RIMS2: variants seen among roughly 807,000 people sequenced by gnomAD.
RIMS2 encodes the protein regulating synaptic membrane exocytosis protein 2.
Under a neutral mutation model 174.4 loss-of-function variants are expected in RIMS2, and 59 were observed. The ratio of observed to expected loss-of-function variants is 0.34; its 90% CI spans 0.27 to 0.42. RIMS2 has a LOEUF of 0.42. Among genes scored for constraint, RIMS2 ranks in the 10% least tolerant of loss-of-function variants. RIMS2 has a pLI of 1.00. For missense variants in RIMS2, 1,620 were observed against 1,666.3 expected (o/e 0.97, Z 0.48); for synonymous variants, 606 against 572.5 (o/e 1.06, Z -0.84).
At chr8:104,147,775 G>A (rs563972068) in intron 19 of RIMS2, among the ~76,000 whole-genome samples, 7 of 152,174 alleles carry the variant, frequency 4.6e-5, no homozygotes, top group Admixed American at 1.3e-4. Flanking sequence ...CAGATTCTTC[G>A]CTTTCTAATC....
chr8:104,076,847 C>T (rs1219005435), intron 19 of RIMS2, among the ~76,000 whole-genome samples: 13 of 148,876 alleles, frequency 8.7e-5, no homozygotes, highest in South Asian at 2.1e-4. Context: ...TACATAGTCT[C>T]GCTCTGTTGC....
rs2077650249 is a variant in RIMS2, at chr8:103,921,490, G to A, written c.2084-182G>A. 2.0e-5 allele frequency among the ~76,000 whole-genome samples: 3 copies of A among 152,104 alleles called. No individual in the cohort carries two copies. The South Asian group carries it at 6.2e-4, about 31-fold the overall frequency. ...TTAGTCTTAAGAGAATCCCTATAGT[G>A]CCCTTTGGCTTCCAAAAAAACCCTT... On this transcript the variant is annotated intron_variant, in intron 9 of 23. Coordinates refer to ENST00000504942, the Ensembl canonical transcript of RIMS2.
At chr8:103,966,987 G>C (rs1054014645) in intron 15 of RIMS2, among the ~76,000 whole-genome samples, 2 of 151,712 alleles carry the variant, frequency 1.3e-5, no homozygotes, top group Non-Finnish European at 2.9e-5. Flanking sequence ...ATTTGCTAAG[G>C]TGTGTTTTAT....
At chr8:103,816,069 T>C (rs1289046648) in intron 3 of RIMS2, among the ~76,000 whole-genome samples, 1 of 152,196 alleles carries the variant, frequency 6.6e-6, no homozygotes, top group African/African-American at 2.4e-5. Context: ...CATGTGAACC[T>C]GCACTATATT....
chr8:103,615,803 C>G (rs1313918546), intron 1 of RIMS2, among the ~76,000 whole-genome samples: 1 of 152,094 alleles, frequency 6.6e-6, no homozygotes, highest in African/African-American at 2.4e-5. Context: ...ACACATACAC[C>G]CTCCGAAGAC....
chr8:103,960,987 T>C (rs2089847092), intron 14 of RIMS2, 78 bp from the exon 17 acceptor site: 1 of 794,986 alleles, frequency 1.3e-6, no homozygotes, highest in Non-Finnish European at 2.2e-6. Flanking sequence ...AATATTTTCG[T>C]TTGTTTTTCA....
At chr8:103,877,738 A>G (rs2099148128) in intron 3 of RIMS2, among the ~76,000 whole-genome samples, 1 of 150,850 alleles carries the variant, frequency 6.6e-6, no homozygotes, top group Admixed American at 6.6e-5. Flanking sequence ...TTCTATGTGA[A>G]CGTTAGGATT....
At chr8:103,542,419 A>T (rs76197077) in intron 1 of RIMS2, among the ~76,000 whole-genome samples, 28,814 of 152,196 alleles carry the variant, frequency 0.19, 2,947 homozygotes, top group Middle Eastern at 0.3. Flanking sequence ...GTAAAGAAGA[A>T]CTGATACCAA....
intron 3 of RIMS2, among the ~76,000 whole-genome samples, chr8:103,860,348 A>G (rs2099051755): frequency 6.6e-6 from 1 of 152,088 alleles, no homozygotes. Context: ...TCTTATTTGT[A>G]CAAATGATAT....
chr8:103,648,950 G>C (rs912902132), intron 1 of RIMS2, among the ~76,000 whole-genome samples: 1 of 152,106 alleles, frequency 6.6e-6, no homozygotes, highest in African/African-American at 2.4e-5. Flanking sequence ...TTTAAGGTTA[G>C]TATTGTTATT....
chr8:103,635,928 G>T (rs1170499023), intron 1 of RIMS2, among the ~76,000 whole-genome samples: 1 of 152,064 alleles, frequency 6.6e-6, no homozygotes, highest in Admixed American at 6.5e-5. Context: ...GGTAGTTGGA[G>T]GCCTTAGTTG....
chr8:103,652,456 G>A (rs2096468514), intron 1 of RIMS2, among the ~76,000 whole-genome samples, 168 bp from the exon 3 acceptor site: 1 of 152,146 alleles, frequency 6.6e-6, no homozygotes, highest in Non-Finnish European at 1.5e-5. Flanking sequence ...CTAGTTAAGT[G>A]TTCAAATTTA....
chr8:103,768,772 G>T (rs1318937649), intron 3 of RIMS2: 4 of 740,364 alleles, frequency 5.4e-6, no homozygotes, highest in African/African-American at 5.2e-5. Context: ...TTTAAACAAA[G>T]AAGGTAAGAA....
intron 19 of RIMS2, among the ~76,000 whole-genome samples, chr8:104,101,020 G>A (rs1304314002): frequency 2.9e-5 from 4 of 136,542 alleles, no homozygotes; most frequent in Non-Finnish European, 4.6e-5. Context: ...TATTACATAT[G>A]TAATATATGT....
intron 1 of RIMS2, among the ~76,000 whole-genome samples, chr8:103,621,290 T>C (rs13278213): frequency 0.18 from 27,719 of 152,194 alleles, 2,775 homozygotes; most frequent in African/African-American, 0.26. Flanking sequence ...TAACCTGACG[T>C]GCCCACCCTA....
At chr8:104,111,213 G>A (rs1390212128) in intron 19 of RIMS2, among the ~76,000 whole-genome samples, 1 of 152,074 alleles carries the variant, frequency 6.6e-6, no homozygotes, top group Non-Finnish European at 1.5e-5. Flanking sequence ...TATCTCTCAA[G>A]CAATGACACT....
At chr8:104,154,017 A>G (rs958306738) in intron 19 of RIMS2, among the ~76,000 whole-genome samples, 1 of 152,220 alleles carries the variant, frequency 6.6e-6, no homozygotes, top group Admixed American at 6.5e-5. Context: ...GGTGAGTTAG[A>G]GTCAGTGAGA....
At chr8:103,617,063 C>A (rs1382571592) in intron 1 of RIMS2, among the ~76,000 whole-genome samples, 1 of 152,100 alleles carries the variant, frequency 6.6e-6, no homozygotes, top group African/African-American at 2.4e-5. Context: ...ATAGCGAAGG[C>A]AATCCTGAGT....
intron 19 of RIMS2, among the ~76,000 whole-genome samples, chr8:104,019,013 CA>C (rs1270538408): frequency 2.0e-5 from 3 of 152,106 alleles, no homozygotes; most frequent in African/African-American, 7.2e-5. Flanking sequence ...GCCTGGCCAA[CA>C]TGGCAAAACC....
Sources: gnomAD v4.1 joint callset for allele counts (sites outside exome capture counted in the v4.1 genomes callset) on GRCh38, gnomAD v4.1.1 for gene constraint, MANE v1.5 for transcripts, NCBI Gene and HGNC (gene_info 2026-07-23, HGNC 2026-07-21) for gene names.